Variants in NRXN3 observed in about 807,000 individuals in gnomAD.
The protein encoded by NRXN3 is neurexin III.
A neutral mutation model predicts 137.6 loss-of-function variants in NRXN3; 32 were observed. The ratio of observed to expected loss-of-function variants is 0.23; its 90% CI spans 0.18 to 0.31. The LOEUF is 0.31. Ranked by LOEUF, NRXN3 falls within the 10% of genes least tolerant of loss-of-function variation. NRXN3 has a pLI of 1.00. For missense variants in NRXN3, 1,574 were observed against 2,062.5 expected (o/e 0.76, Z 4.59); for synonymous variants, 798 against 784.5 (o/e 1.02, Z -0.29).
intron 2 of NRXN3, among the ~76,000 whole-genome samples, chr14:78,252,191 A>G (rs2068742087): frequency 6.6e-6 from 1 of 151,086 alleles, no homozygotes; most frequent in South Asian, 2.1e-4. Context: ...AACTGGTACC[A>G]GTAGCTTTTA....
At position 78,967,362 on chromosome 14, in the gene NRXN3, C is replaced by A. The variant is rs1251169445; in HGVS notation, c.2932C>A (p.Gln978Lys). ...GAAAGTGGACACCAAAGTGGTCACTCAGGTTATCAATGGTGCCAAAAATCT... is the reference window on the plus strand; with the variant it reads ...GAAAGTGGACACCAAAGTGGTCACTAAGGTTATCAATGGTGCCAAAAATCT... ...SLKVDTKVVTQVINGAKNLDL... is the reference protein window; with the variant it reads ...SLKVDTKVVTKVINGAKNLDL... Residue 978 changes from glutamine to lysine, a missense_variant, in exon 13 of 21, where the codon CAG becomes AAG. Physicochemically the swap from Gln to Lys is moderately conservative, Grantham distance 53. Around this residue, in one of 5 missense-constraint regions of NRXN3, gnomAD observed 718 missense variants for 887.6 expected, o/e 0.81. Coordinates refer to ENST00000335750, the MANE Select transcript of NRXN3 (RefSeq NM_001330195.2). 2 of 1,613,744 alleles carry A rather than the reference C, an allele frequency of 1.2e-6. No homozygotes were observed. Among genetic ancestry groups the A allele is most frequent in the African/African-American group, 1.3e-5 (1 of 74,876 alleles).
At chr14:78,220,904 G>C (rs1158740777) in intron 1 of NRXN3, among the ~76,000 whole-genome samples, 2 of 152,076 alleles carry the variant, frequency 1.3e-5, no homozygotes, top group East Asian at 3.9e-4. Context: ...AGGAGCCCCT[G>C]TGGCATCTGA....
chr14:78,234,805 A>G (rs1037639024), intron 1 of NRXN3, among the ~76,000 whole-genome samples: 9 of 137,966 alleles, frequency 6.5e-5, no homozygotes, highest in Non-Finnish European at 1.4e-4. Flanking sequence ...GTTAAACAAA[A>G]TAAATGAAAA....
intron 4 of NRXN3, among the ~76,000 whole-genome samples, chr14:78,582,145 G>T (rs1377575473): frequency 6.6e-6 from 1 of 152,222 alleles, no homozygotes; most frequent in East Asian, 1.9e-4. Context: ...TCCTGCAGCT[G>T]CAGGACTAGA....
At chr14:78,274,336 A>G (rs763868291) in intron 2 of NRXN3, among the ~76,000 whole-genome samples, 1 of 152,212 alleles carries the variant, frequency 6.6e-6, no homozygotes, top group Non-Finnish European at 1.5e-5. Flanking sequence ...GGAAGCAAAC[A>G]TGTCCTTCAC....
At chr14:79,544,405 G>C (rs1469412181) in intron 16 of NRXN3, among the ~76,000 whole-genome samples, 2 of 152,210 alleles carry the variant, frequency 1.3e-5, no homozygotes, top group Non-Finnish European at 2.9e-5. Flanking sequence ...TGAGAAGTAT[G>C]ATGATTCTGT....
chr14:79,686,867 A>G (rs1482162881), intron 17 of NRXN3, among the ~76,000 whole-genome samples: 1 of 152,190 alleles, frequency 6.6e-6, no homozygotes, highest in Non-Finnish European at 1.5e-5. Flanking sequence ...TATCCAGAAG[A>G]CATGTAGAGG....
intron 16 of NRXN3, among the ~76,000 whole-genome samples, chr14:79,586,509 A>G (rs1342493975): frequency 6.6e-6 from 1 of 152,140 alleles, no homozygotes; most frequent in East Asian, 1.9e-4. Flanking sequence ...AAAGTATGGT[A>G]TAGTCATTCA....
At chr14:78,969,857 A>G (rs369489764) in intron 14 of NRXN3, among the ~76,000 whole-genome samples, 3,075 of 129,088 alleles carry the variant, frequency 0.024, 94 homozygotes, top group African/African-American at 0.083. Context: ...GTGTGTGTGT[A>G]TAAAGGGACA....
chr14:79,609,950 G>A (rs947268421), intron 16 of NRXN3, among the ~76,000 whole-genome samples: 15 of 152,124 alleles, frequency 9.9e-5, no homozygotes, highest in African/African-American at 3.6e-4. Flanking sequence ...GCCTGTCTGG[G>A]GGTAGGAGGT....
chr14:78,247,599 A>C (rs911349495), intron 2 of NRXN3, among the ~76,000 whole-genome samples: 1 of 152,152 alleles, frequency 6.6e-6, no homozygotes, highest in African/African-American at 2.4e-5. Flanking sequence ...TGGTGATTTA[A>C]AAATTATGTA....
chr14:78,957,414 C>A, intron 11 of NRXN3, 53 bp downstream of exon 11: 2 of 1,581,424 alleles, frequency 1.3e-6, no homozygotes, highest in South Asian at 2.3e-5. Flanking sequence ...TCCTCTCAGT[C>A]ACTGAGTGAG....
intron 15 of NRXN3, among the ~76,000 whole-genome samples, chr14:79,005,627 C>T (rs1261484308): frequency 6.6e-6 from 1 of 152,164 alleles, no homozygotes; most frequent in Non-Finnish European, 1.5e-5. Flanking sequence ...TAAACCCATG[C>T]ACCTGTGGGA....
chr14:79,277,508 C>T (rs1388428888), intron 15 of NRXN3, among the ~76,000 whole-genome samples: 1 of 152,176 alleles, frequency 6.6e-6, no homozygotes, highest in East Asian at 1.9e-4. Flanking sequence ...TTAACCTGTT[C>T]TTCACCTTTT....
chr14:78,806,390 T>C lies in NRXN3; in HGVS notation c.2248+2567T>C, dbSNP rs8012114. ...ATATTTTCTTTCTCTTTGCCGTGAA[T>C]TTGTGTTTCATTTTTCTCAATTACA... On this transcript the variant is annotated intron_variant, in intron 9 of 20. Coordinates refer to ENST00000335750, the MANE Select transcript of NRXN3 (RefSeq NM_001330195.2). Among the ~76,000 whole-genome samples, 48 of 152,314 alleles carry C rather than the reference T, an allele frequency of 3.2e-4. 1 individual carries two copies. The highest frequency in any genetic ancestry group is 1.1e-3 in the African/African-American group (47 of 41,576).
At chr14:78,298,162 G>T (rs555212249) in intron 4 of NRXN3, among the ~76,000 whole-genome samples, 41 of 152,346 alleles carry the variant, frequency 2.7e-4, no homozygotes, top group African/African-American at 9.4e-4. Context: ...TGACGGTGTC[G>T]ATAATGGGGG....
intron 15 of NRXN3, among the ~76,000 whole-genome samples, chr14:79,227,786 C>CTTCCTTCCTTCCTTCCTTCG (rs1568684633): frequency 1.2e-5 from 1 of 84,108 alleles, no homozygotes; most frequent in Non-Finnish European, 2.5e-5. Flanking sequence ...TCCTTCCTTC[C>CTTCCTTCCTTCCTTCCTTCG]CTCCTCCCTT....
intron 4 of NRXN3, among the ~76,000 whole-genome samples, chr14:78,378,823 C>A (rs934416547): frequency 6.6e-6 from 1 of 151,956 alleles, no homozygotes; most frequent in African/African-American, 2.4e-5. Context: ...CAACCTAGAA[C>A]ATCAATGAAA....
intron 19 of NRXN3, among the ~76,000 whole-genome samples, chr14:79,750,088 TTATAATTG>T (rs1375316401): frequency 6.6e-6 from 1 of 152,026 alleles, no homozygotes; most frequent in African/African-American, 2.4e-5. Flanking sequence ...GTCCTAGCCC[TTATAATTG>T]ACCAGTGCCT....
Sources: gnomAD v4.1 joint callset for allele counts (sites outside exome capture counted in the v4.1 genomes callset) on GRCh38, gnomAD v4.1.1 for gene constraint, gnomAD v4.1.1 regional missense constraint, MANE v1.5 for transcripts, NCBI Gene and HGNC (gene_info 2026-07-23, HGNC 2026-07-21) for gene names.